Variants in GRK4 observed in about 807,000 individuals in gnomAD.
GRK4 encodes the protein G protein-coupled receptor kinase 4.
In GRK4, 73 loss-of-function variants were observed where a neutral mutation model predicts 77.9. The ratio of observed to expected loss-of-function variants is 0.94; its 90% CI spans 0.78 to 1.14. GRK4 has a LOEUF of 1.14. Among genes scored for constraint, GRK4 ranks in the 50% most tolerant of loss-of-function variants. The probability of loss-of-function intolerance (pLI) is 0.00; values close to 1 mark genes in which losing one functional copy is unlikely to be tolerated. For synonymous variants in GRK4, 257 were observed against 254.4 expected, an observed-to-expected ratio of 1.01 and a Z score of -0.10; for missense variants, 729 against 700.2, an observed-to-expected ratio of 1.04 and a Z score of -0.46.
intron 4 of GRK4, among the ~76,000 whole-genome samples, chr4:3,000,677 AC>A (rs1273165479): frequency 6.6e-6 from 1 of 150,762 alleles, no homozygotes; most frequent in Non-Finnish European, 1.5e-5. Flanking sequence ...TGATACTTCT[AC>A]CTCAGTCTCC....
chr4:3,004,227 T>A lies in GRK4; in HGVS notation c.340-4T>A, dbSNP rs1003011912. On this transcript the variant is annotated splice_polypyrimidine_tract_variant and splice_region_variant and intron_variant, in intron 4 of 15. Coordinates refer to ENST00000398052, the MANE Select transcript of GRK4 (RefSeq NM_182982.3). Reference sequence around the variant, plus strand: ...GTTATGTATTTGGTTTGTACTGTATTAAGTTGGCAGCCCCTTTACCAGAAA... The same window carrying A: ...GTTATGTATTTGGTTTGTACTGTATAAAGTTGGCAGCCCCTTTACCAGAAA... 72 of 1,603,166 alleles carry A rather than the reference T, an allele frequency of 4.5e-5. No individual in the cohort carries two copies. The highest frequency in any genetic ancestry group is 5.8e-5 in the Non-Finnish European group (68 of 1,170,108).
chr4:2,970,409 C>T (rs988307819), intron 1 of GRK4, among the ~76,000 whole-genome samples: 1 of 152,048 alleles, frequency 6.6e-6, no homozygotes, highest in African/African-American at 2.4e-5. Context: ...CCTGTAATCC[C>T]AGCACTTTGG....
chr4:2,981,671 G>A (rs1262631277), intron 1 of GRK4, among the ~76,000 whole-genome samples: 1 of 152,210 alleles, frequency 6.6e-6, no homozygotes, highest in African/African-American at 2.4e-5. Context: ...GTCCGTGGGC[G>A]GGCCCAGAAA....
Position 3,038,471 on chromosome 4 carries a change from C to T in GRK4, c.1641C>T (p.Ser547=), listed in dbSNP as rs1422200308. 6.2e-7 allele frequency: 1 copy of T among 1,613,696 alleles called. No homozygotes were observed. Among genetic ancestry groups the T allele is most frequent in the Non-Finnish European group, 8.5e-7 (1 of 1,179,968 alleles). ...ACAAGAACATACATACCCCGGTTTC[C>T]AGACCAAACAGAGGCTTCTTCTATA... ...DLDKNIHTPV[S]RPNRGFFYRL... is the part of the protein sequence containing the mutation. Residue 547 remains serine (S), a synonymous_variant, in exon 15 of 16, where the codon TCC becomes TCT. Transcript: ENST00000398052.
At chr4:3,039,198 AG>A (rs2110106648) in intron 15 of GRK4, among the ~76,000 whole-genome samples, 1 of 152,306 alleles carries the variant, frequency 6.6e-6, no homozygotes, top group Non-Finnish European at 1.5e-5. Flanking sequence ...CCTGGGCAAC[AG>A]CGCAAGACTC....
chr4:2,969,039 C>T (rs1191903920), intron 1 of GRK4: 1 of 152,136 alleles, frequency 6.6e-6, no homozygotes, highest in Non-Finnish European at 1.5e-5. Flanking sequence ...AAGAAACCAA[C>T]AAAGGGCCAT....
At chr4:2,971,175 T>C (rs1326003747) in intron 1 of GRK4, 1 of 152,248 alleles carries the variant, frequency 6.6e-6, no homozygotes, top group African/African-American at 2.4e-5. Flanking sequence ...ATTTATGTCA[T>C]GGTCATAAAG....
chr4:3,027,131 C>G (rs1737806321), intron 10 of GRK4, among the ~76,000 whole-genome samples: 3 of 152,236 alleles, frequency 2.0e-5, no homozygotes, highest in African/African-American at 4.8e-5. Context: ...CCTCGACCTT[C>G]TGGGCTTAAG....
At position 2,986,868 on chromosome 4, in the gene GRK4, A is replaced by G. The variant is rs553666007; in HGVS notation, c.149-1859A>G. Reference sequence around the variant, plus strand: ...TATTATATTTATAAAAATTAGTTTCAGGTGGTATAAAGGAGCTAGTATTTC... The same window carrying G: ...TATTATATTTATAAAAATTAGTTTCGGGTGGTATAAAGGAGCTAGTATTTC... On this transcript the variant is annotated intron_variant, in intron 2 of 15. Transcript: ENST00000398052. 6 of 330,472 alleles carry G rather than the reference A, an allele frequency of 1.8e-5. No individual in the cohort carries two copies. In the East Asian group the frequency reaches 5.1e-4, roughly 28 times the overall value. The allele number at this position is 330,472 out of a possible 1,614,324, so 20.5% of individuals were successfully genotyped here. A position where few individuals can be genotyped will look rare whatever the true frequency, so the allele number is the denominator to read the frequency against.
intron 3 of GRK4, among the ~76,000 whole-genome samples, chr4:2,990,487 C>T (rs1725825136): frequency 6.6e-6 from 1 of 152,060 alleles, no homozygotes; most frequent in African/African-American, 2.4e-5. Context: ...AGACTCCTGA[C>T]CTCAGGTGAT....
At chr4:2,971,691 T>C (rs1719588984) in intron 1 of GRK4, among the ~76,000 whole-genome samples, 1 of 152,200 alleles carries the variant, frequency 6.6e-6, no homozygotes, top group Admixed American at 6.5e-5. Flanking sequence ...CTCACAGTCT[T>C]GGAGGCCGGA....
intron 4 of GRK4, among the ~76,000 whole-genome samples, chr4:2,997,676 G>A (rs758926004): frequency 6.6e-5 from 10 of 151,972 alleles, no homozygotes; most frequent in African/African-American, 1.2e-4. Flanking sequence ...TTGGGAGGCC[G>A]AGGTGGGCAG....
At position 3,019,756 on chromosome 4, in the gene GRK4, A is replaced by G; in HGVS notation, c.857A>G (p.Glu286Gly). The change falls in exon 9 of 16, where the codon GAG becomes GGG. Residue 286 changes from glutamate (E) to glycine (G), a missense_variant. Glu to Gly is a moderately conservative substitution (Grantham distance 98). Transcript: ENST00000398052. ...IYNLGNPGFD[E>G]QRAVFYAAEL... The stretch of plus-strand genomic sequence containing the variant: ...AACCTGGGCAATCCCGGCTTTGATG[A>G]GCAGAGAGCCGTTTTCTATGCTGCA... The G allele has an allele frequency of 1.2e-6, 2 of 1,614,166 alleles. No homozygotes were observed. Among genetic ancestry groups the G allele is most frequent in the South Asian group, 2.2e-5 (2 of 91,084 alleles).
chr4:2,975,136 C>T (rs185221744), intron 1 of GRK4, among the ~76,000 whole-genome samples: 2 of 152,188 alleles, frequency 1.3e-5, no homozygotes, highest in African/African-American at 4.8e-5. Flanking sequence ...AACCCTGTCT[C>T]TACCAAAAAT....
At chr4:3,019,867 T>C (rs1459817492) in intron 9 of GRK4, 36 bp downstream of exon 9, 3 of 1,567,520 alleles carry the variant, frequency 1.9e-6, no homozygotes, top group African/African-American at 1.4e-5. Flanking sequence ...CCTGCAAGTC[T>C]TGGAGCCGGT....
In GRK4 at chr4:3,007,587, C is replaced by T. The variant is rs546678187; in HGVS notation, c.444-149C>T. 3.1e-4 allele frequency: 158 copies of T among 511,522 alleles called. 4 individuals are homozygous for T. In the South Asian group the frequency reaches 4.4e-3, roughly 14 times the overall value. The allele number at this position is 511,522 out of a possible 1,614,324, so 31.7% of individuals were successfully genotyped here. A position where few individuals can be genotyped will look rare whatever the true frequency, so the allele number is the denominator to read the frequency against. On this transcript the variant is annotated intron_variant, in intron 5 of 15. Transcript: ENST00000398052. ...TTTCACTTATAGCGTTAGAACCTAA[C>T]GTGGACTTCTGTAATTGCAAATTCA...
At chr4:2,979,530 A>G (rs571323780) in intron 1 of GRK4, among the ~76,000 whole-genome samples, 70 of 152,250 alleles carry the variant, frequency 4.6e-4, no homozygotes, top group African/African-American at 1.6e-3. Context: ...CCTGACCAAC[A>G]TGGAGAAACC....
Position 3,038,529 on chromosome 4 carries a change from A to C in GRK4, c.1683+16A>C. 1.9e-6 allele frequency: 3 copies of C among 1,602,996 alleles called. No homozygotes were observed. On this transcript the variant is annotated intron_variant, in intron 15 of 15. Coordinates refer to ENST00000398052, the MANE Select transcript of GRK4 (RefSeq NM_182982.3). ...CAGAAGAGGGGTAAAAAGACTTAAA[A>C]ACTAATATATGTGTGTGTATGTGAA...
intron 12 of GRK4, among the ~76,000 whole-genome samples, chr4:3,032,056 A>G (rs1739326883): frequency 6.6e-6 from 1 of 152,138 alleles, no homozygotes; most frequent in Non-Finnish European, 1.5e-5. Flanking sequence ...CTGACTGTTA[A>G]ATAATGGAGT....
Sources: allele counts gnomAD v4.1 joint callset (sites outside exome capture counted in the v4.1 genomes callset), GRCh38; gene constraint gnomAD v4.1.1; transcripts MANE v1.5; gene names NCBI Gene and HGNC (gene_info 2026-07-23, HGNC 2026-07-21).